Variants in UNC5C observed in about 807,000 individuals in gnomAD.
UNC5C encodes netrin receptor UNC5C.
A neutral mutation model predicts 99.8 loss-of-function variants in UNC5C; 47 were observed. The observed-to-expected ratio is 0.47, with a 90% CI of 0.37 to 0.60. The LOEUF is 0.60. UNC5C is among the 20% of genes least tolerant of loss of function. The probability of loss-of-function intolerance (pLI) is 0.00; values close to 1 mark genes in which losing one functional copy is unlikely to be tolerated. For synonymous variants in UNC5C, 487 were observed against 452.2 expected (o/e 1.08, Z -0.98); for missense variants, 1,062 against 1,165.9 (o/e 0.91, Z 1.30).
chr4:95,248,306 C>T (rs1373453248), intron 5 of UNC5C: 1 of 252,386 alleles, frequency 4.0e-6, no homozygotes. Context: ...TTTTACATGG[C>T]CTAAGAAAAT....
Position 95,218,960 on chromosome 4 carries a change from A to G in UNC5C, c.1645+9T>C, listed in dbSNP as rs760667747. ...CTGCCTCTTTGCAATTTAAACCTCTAGGAATTACCTGAATTGGGAACAATA... is the reference window on the plus strand; with the variant it reads ...CTGCCTCTTTGCAATTTAAACCTCTGGGAATTACCTGAATTGGGAACAATA... On this transcript the variant is annotated intron_variant, in intron 9 of 15. Transcript: ENST00000453304. 9 of 1,581,924 alleles carry G rather than the reference A, an allele frequency of 5.7e-6. No individual in the cohort carries two copies. The highest frequency in any genetic ancestry group is 7.7e-6 in the Non-Finnish European group (9 of 1,163,190).
intron 1 of UNC5C, among the ~76,000 whole-genome samples, chr4:95,415,843 T>TC (rs1746146206): frequency 1.3e-5 from 2 of 152,140 alleles, no homozygotes; most frequent in South Asian, 4.2e-4. Context: ...AATGATCCTA[T>TC]CATTCTAAAC....
At chr4:95,423,360 A>G (rs1051170638) in intron 1 of UNC5C, among the ~76,000 whole-genome samples, 2 of 152,204 alleles carry the variant, frequency 1.3e-5, no homozygotes, top group Non-Finnish European at 1.5e-5. Context: ...CTGTTTCTGT[A>G]TGGCAGGAGA....
intron 1 of UNC5C, among the ~76,000 whole-genome samples, chr4:95,475,373 A>G (rs1337831172): frequency 1.3e-5 from 2 of 152,066 alleles, no homozygotes; most frequent in Admixed American, 6.6e-5. Context: ...CAATTTCCCA[A>G]TTTACAAAGG....
chr4:95,174,619 A>C (rs557320651), intron 14 of UNC5C, among the ~76,000 whole-genome samples: 442 of 151,634 alleles, frequency 2.9e-3, no homozygotes, highest in African/African-American at 0.01. Flanking sequence ...AGTTTGTTAT[A>C]ATTTCTGTTC....
At chr4:95,467,070 C>T (rs1234627528) in intron 1 of UNC5C, among the ~76,000 whole-genome samples, 1 of 152,164 alleles carries the variant, frequency 6.6e-6, no homozygotes, top group Non-Finnish European at 1.5e-5. Flanking sequence ...CCAACAGCCA[C>T]AGGACTGACA....
intron 1 of UNC5C, among the ~76,000 whole-genome samples, chr4:95,546,664 C>T (rs566754920): frequency 6.6e-6 from 1 of 152,296 alleles, no homozygotes; most frequent in South Asian, 2.1e-4. Flanking sequence ...GAGAATCAGT[C>T]CCCAATCTTT....
At chr4:95,246,247 C>G (rs1456212280) in intron 5 of UNC5C, among the ~76,000 whole-genome samples, 1 of 152,148 alleles carries the variant, frequency 6.6e-6, no homozygotes, top group Admixed American at 6.6e-5. Flanking sequence ...AAAAGTGATA[C>G]TGTAGAAGGC....
intron 3 of UNC5C, among the ~76,000 whole-genome samples, chr4:95,298,179 G>T (rs1284805091): frequency 6.6e-6 from 1 of 152,108 alleles, no homozygotes; most frequent in African/African-American, 2.4e-5. Context: ...GGTCATGGCG[G>T]CACATGCCTG....
chr4:95,256,232 A>G (rs911917849), intron 4 of UNC5C, among the ~76,000 whole-genome samples: 3 of 151,750 alleles, frequency 2.0e-5, no homozygotes, highest in African/African-American at 7.3e-5. Flanking sequence ...TCCTAAATTT[A>G]TCTCCAGCCC....
chr4:95,459,208 T>C (rs1470131909), intron 1 of UNC5C, among the ~76,000 whole-genome samples: 1 of 152,184 alleles, frequency 6.6e-6, no homozygotes, highest in Non-Finnish European at 1.5e-5. Context: ...CTTAAATTTC[T>C]TTTCAAATTG....
chr4:95,187,126 A>C (rs1218245165), intron 12 of UNC5C, among the ~76,000 whole-genome samples: 1 of 152,224 alleles, frequency 6.6e-6, no homozygotes, highest in Non-Finnish European at 1.5e-5. Context: ...GTGTCTAGTT[A>C]GCATAATAGA....
intron 1 of UNC5C, among the ~76,000 whole-genome samples, chr4:95,531,404 T>C (rs1483859352): frequency 6.6e-6 from 1 of 152,236 alleles, no homozygotes; most frequent in Non-Finnish European, 1.5e-5. Context: ...TGCACAGCTC[T>C]CTGCGGTAAT....
intron 2 of UNC5C, among the ~76,000 whole-genome samples, chr4:95,309,146 A>G (rs1341702522): frequency 2.6e-5 from 4 of 152,186 alleles, no homozygotes; most frequent in African/African-American, 9.6e-5. Context: ...TGGTCAATTG[A>G]TTTTTGACAG....
At chr4:95,418,222 C>G (rs1056639231) in intron 1 of UNC5C, among the ~76,000 whole-genome samples, 3 of 152,176 alleles carry the variant, frequency 2.0e-5, no homozygotes. Flanking sequence ...CAGCCTTAGT[C>G]TTGCTATAGT....
At chr4:95,213,415 C>G (rs1174124155) in intron 10 of UNC5C, among the ~76,000 whole-genome samples, 1 of 152,190 alleles carries the variant, frequency 6.6e-6, no homozygotes, top group African/African-American at 2.4e-5. Context: ...ATCTGTAAAG[C>G]AGGAGAGGTA....
intron 2 of UNC5C, among the ~76,000 whole-genome samples, chr4:95,332,182 G>C (rs965172920): frequency 4.6e-5 from 7 of 152,056 alleles, no homozygotes; most frequent in African/African-American, 1.4e-4. Flanking sequence ...TCCCCATCAA[G>C]CTACCAATGA....
chr4:95,177,133 C>T (rs1736395432), intron 14 of UNC5C, among the ~76,000 whole-genome samples: 1 of 152,200 alleles, frequency 6.6e-6, no homozygotes, highest in Admixed American at 6.5e-5. Flanking sequence ...CTGACCTGCG[C>T]CCACTGTCTG....
intron 1 of UNC5C, among the ~76,000 whole-genome samples, chr4:95,407,375 C>T (rs1022003447): frequency 1.8e-4 from 27 of 151,860 alleles, no homozygotes; most frequent in African/African-American, 6.3e-4. Flanking sequence ...GAATTTCAAG[C>T]GGGAGGGTGT....
Sources: allele counts gnomAD v4.1 joint callset (sites outside exome capture counted in the v4.1 genomes callset), GRCh38; gene constraint gnomAD v4.1.1; transcripts MANE v1.5; gene names NCBI Gene and HGNC (gene_info 2026-07-23, HGNC 2026-07-21).